Variants in SPTLC3 observed in about 807,000 individuals in gnomAD.
SPTLC3 encodes serine palmitoyltransferase long chain base subunit 3, also known as serine palmitoyltransferase 3.
A neutral mutation model predicts 59.3 loss-of-function variants in SPTLC3; 36 were observed. That is an observed-to-expected ratio of 0.61 (90% CI 0.47 to 0.80). SPTLC3 has a LOEUF of 0.80. Among genes scored for constraint, SPTLC3 ranks in the 30% least tolerant of loss-of-function variants. The pLI, the probability that SPTLC3 is intolerant of heterozygous loss-of-function variation, is 0.00. For missense variants in SPTLC3, 625 were observed against 685.1 expected, an observed-to-expected ratio of 0.91 and a Z score of 0.98; for synonymous variants, 257 against 240.8, an observed-to-expected ratio of 1.07 and a Z score of -0.62.
chr20:13,074,325 G>A lies in SPTLC3; in HGVS notation c.459-24G>A, dbSNP rs975141831. 4 of 1,611,174 alleles carry A rather than the reference G, an allele frequency of 2.5e-6. No homozygotes were observed. The African/African-American group carries it at 5.3e-5, about 22-fold the overall frequency. On this transcript the variant is annotated intron_variant, in intron 3 of 11. Coordinates refer to ENST00000399002, the MANE Select transcript of SPTLC3 (RefSeq NM_018327.4). ...CATAATCCTGGGGAGGGGATTATGT[G>A]CTCATTTACATGTTTCCCCACAGGT... is the stretch of plus-strand genomic sequence containing the variant.
At chr20:13,061,072 A>T (rs1987954002) in intron 2 of SPTLC3, among the ~76,000 whole-genome samples, 1 of 152,222 alleles carries the variant, frequency 6.6e-6, no homozygotes, top group Admixed American at 6.5e-5. Flanking sequence ...AATTCCCACC[A>T]ACAGTGTATA....
chr20:13,024,792 A>G (rs1986064729), intron 1 of SPTLC3, among the ~76,000 whole-genome samples: 1 of 152,200 alleles, frequency 6.6e-6, no homozygotes, highest in African/African-American at 2.4e-5. Flanking sequence ...TTCCCCTGCT[A>G]CACACTCATA....
At chr20:13,085,123 A>G (rs1410077377) in intron 4 of SPTLC3, among the ~76,000 whole-genome samples, 2 of 152,054 alleles carry the variant, frequency 1.3e-5, no homozygotes, top group Admixed American at 6.5e-5. Flanking sequence ...ATTTTTCCAG[A>G]CTTCACCATG....
intron 9 of SPTLC3, among the ~76,000 whole-genome samples, chr20:13,143,338 T>A (rs1363727280): frequency 1.3e-5 from 2 of 152,204 alleles, no homozygotes; most frequent in East Asian, 1.9e-4. Context: ...TTCAAATAAA[T>A]GTGTATGAAA....
At chr20:13,090,955 G>A in intron 4 of SPTLC3, 128 bp from the exon 5 acceptor site, 1 of 1,302,592 alleles carries the variant, frequency 7.7e-7, no homozygotes, top group Non-Finnish European at 1.1e-6. Flanking sequence ...TTAGGGCAAT[G>A]GCAAATCTTC....
chr20:13,111,901 C>G (rs1034719784), intron 7 of SPTLC3, among the ~76,000 whole-genome samples: 2 of 152,196 alleles, frequency 1.3e-5, no homozygotes, highest in African/African-American at 2.4e-5. Context: ...ATCAGCTACA[C>G]AGAGAAACAA....
At chr20:13,033,297 A>G (rs1233044649) in intron 1 of SPTLC3, among the ~76,000 whole-genome samples, 1 of 152,158 alleles carries the variant, frequency 6.6e-6, no homozygotes, top group East Asian at 1.9e-4. Flanking sequence ...ACCCAACAGA[A>G]ATTTATTTCT....
At chr20:13,061,028 TC>T (rs1187737527) in intron 2 of SPTLC3, among the ~76,000 whole-genome samples, 30 of 152,198 alleles carry the variant, frequency 2.0e-4, no homozygotes, top group Admixed American at 1.9e-3. Flanking sequence ...TTGAGAAATC[TC>T]CATACTGTTT....
At chr20:13,072,535 C>T in intron 3 of SPTLC3, 125 bp downstream of exon 3, 3 of 1,026,366 alleles carry the variant, frequency 2.9e-6, no homozygotes, top group Non-Finnish European at 2.8e-6. Flanking sequence ...ATCATTTATG[C>T]CTTTGCAAGC....
chr20:13,023,932 G>A (rs1362357825), intron 1 of SPTLC3, among the ~76,000 whole-genome samples: 1 of 152,134 alleles, frequency 6.6e-6, no homozygotes, highest in African/African-American at 2.4e-5. Context: ...GGTGTGTAGG[G>A]CTGTCATCAG....
At position 13,117,500 on chromosome 20, in the gene SPTLC3, C is replaced by T. The variant is rs765510534; in HGVS notation, c.933-6C>T. On this transcript the variant is annotated splice_polypyrimidine_tract_variant and splice_region_variant and intron_variant, in intron 7 of 11. Transcript: ENST00000399002. ...TTAGTTATGAGCATTTCTCCTTCTG[C>T]CCTAGCATGGAAGGTTCCATCGTGC... 5 of 1,572,506 alleles carry T rather than the reference C, an allele frequency of 3.2e-6. No individual in the cohort carries two copies. The East Asian group carries it at 1.1e-4, about 35-fold the overall frequency.
chr20:13,156,254 G>C (rs1452798344), intron 10 of SPTLC3, among the ~76,000 whole-genome samples: 2 of 152,176 alleles, frequency 1.3e-5, no homozygotes, highest in African/African-American at 4.8e-5. Context: ...TGACAGTAGG[G>C]AGTGTTCTGG....
chr20:13,046,406 T>G (rs1987233903), intron 1 of SPTLC3, among the ~76,000 whole-genome samples: 1 of 152,218 alleles, frequency 6.6e-6, no homozygotes, highest in African/African-American at 2.4e-5. Flanking sequence ...CCTTCTTTCT[T>G]CTTATCAACA....
At chr20:13,059,740 C>G (rs532709910) in intron 2 of SPTLC3, among the ~76,000 whole-genome samples, 2 of 152,182 alleles carry the variant, frequency 1.3e-5, no homozygotes, top group Non-Finnish European at 1.5e-5. Context: ...TCTTTTACCA[C>G]CCCCACAAAC....
At chr20:13,119,775 A>G (rs1283343990) in intron 8 of SPTLC3, among the ~76,000 whole-genome samples, 1 of 152,232 alleles carries the variant, frequency 6.6e-6, no homozygotes, top group African/African-American at 2.4e-5. Context: ...AAACAGCAAG[A>G]TGCAAAACCT....
chr20:13,038,677 T>C (rs1986841364), intron 1 of SPTLC3, among the ~76,000 whole-genome samples: 1 of 152,112 alleles, frequency 6.6e-6, no homozygotes, highest in Admixed American at 6.6e-5. Flanking sequence ...TTGTGATTGT[T>C]TTCTGTTTGC....
intron 7 of SPTLC3, among the ~76,000 whole-genome samples, chr20:13,116,144 ACCCGTTGGTCTGGGTGACTGTGC>A (rs1479548528): frequency 1.3e-3 from 197 of 151,908 alleles, no homozygotes; most frequent in African/African-American, 4.4e-3. Flanking sequence ...CCAAACCAAC[ACCCGTTGGTCTGGGTGACTGTGC>A]ACACAGCCAG....
chr20:13,092,440 A>C (rs1249132269), intron 5 of SPTLC3, among the ~76,000 whole-genome samples: 7 of 152,254 alleles, frequency 4.6e-5, no homozygotes, highest in Admixed American at 4.6e-4. Context: ...TTTGCACCAA[A>C]CAACATCAAA....
In SPTLC3 at chr20:13,048,966, T is replaced by C; in HGVS notation, c.139T>C (p.Tyr47His). The change falls in exon 2 of 12, where the codon TAT becomes CAT. Residue 47 changes from tyrosine (Y) to histidine (H), a missense_variant. Transcript: ENST00000399002. ...TCAGCAAAATGGGAAGCCACATTTT[T>C]ATGATAAGCTCATTGTTGAATCGTT... ...EAQQNGKPHFYDKLIVESFEE... is the reference protein window; with the variant it reads ...EAQQNGKPHFHDKLIVESFEE... 1 of 1,560,562 alleles carries C rather than the reference T, an allele frequency of 6.4e-7. No homozygotes were observed. The highest frequency in any genetic ancestry group is 2.1e-5 in the Admixed American group (1 of 47,072).
Sources: allele counts gnomAD v4.1 joint callset (sites outside exome capture counted in the v4.1 genomes callset), GRCh38; gene constraint gnomAD v4.1.1; transcripts MANE v1.5; gene names NCBI Gene and HGNC (gene_info 2026-07-23, HGNC 2026-07-21).